Variants in PRDM2 observed in about 807,000 individuals in gnomAD.
PRDM2 encodes the protein PR domain zinc finger protein 2.
PRDM2 carries 30 observed loss-of-function variants against 130.0 expected under a neutral mutation model. The ratio of observed to expected loss-of-function variants is 0.23; its 90% CI spans 0.17 to 0.31. The LOEUF is 0.31. PRDM2 is among the 10% of genes least tolerant of loss of function. The pLI is 1.00. For missense variants in PRDM2, 2,011 were observed against 2,108.4 expected, an observed-to-expected ratio of 0.95 and a Z score of 0.90; for synonymous variants, 871 against 782.4, an observed-to-expected ratio of 1.11 and a Z score of -1.89.
At chr1:13,755,502 A>T (rs1459806261) in intron 6 of PRDM2, among the ~76,000 whole-genome samples, 1 of 152,214 alleles carries the variant, frequency 6.6e-6, no homozygotes, top group Admixed American at 6.5e-5. Flanking sequence ...TATATAAAAG[A>T]GGTAACAAGA....
intron 6 of PRDM2, among the ~76,000 whole-genome samples, chr1:13,756,704 A>T (rs1643963095): frequency 6.6e-6 from 1 of 152,248 alleles, no homozygotes; most frequent in South Asian, 2.1e-4. Context: ...TGATGTGGAC[A>T]TATGTCATGA....
At chr1:13,820,264 G>A (rs995285723) in intron 9 of PRDM2, among the ~76,000 whole-genome samples, 1 of 152,158 alleles carries the variant, frequency 6.6e-6, no homozygotes, top group Non-Finnish European at 1.5e-5. Context: ...TGCCCATTCC[G>A]GATTCAAGGC....
At chr1:13,760,778 C>A (rs1226467415) in intron 6 of PRDM2, among the ~76,000 whole-genome samples, 2 of 151,950 alleles carry the variant, frequency 1.3e-5, no homozygotes, top group Non-Finnish European at 2.9e-5. Context: ...ACCTTTGGTT[C>A]ATCCCATTGT....
intron 1 of PRDM2, among the ~76,000 whole-genome samples, chr1:13,700,650 GGTGGGGCCACCTGGGGCCCCAC>G (rs1038272972): frequency 3.2e-4 from 48 of 151,846 alleles, no homozygotes; most frequent in African/African-American, 6.8e-4. Context: ...TGCGGGCGGC[GGTGGGGCCACCTGGGGCCCCAC>G]GTGGGGCCGG....
intron 1 of PRDM2, among the ~76,000 whole-genome samples, chr1:13,700,863 TGTGTGTGTGTGCGCACGCGCGC>T (rs1212973326): frequency 6.6e-5 from 10 of 151,980 alleles, no homozygotes; most frequent in East Asian, 1.9e-4. Flanking sequence ...CACGGGTGTA[TGTGTGTGTGTGCGCACGCGCGC>T]GTGTGTGTGT....
Position 13,803,167 on chromosome 1 carries a change from T to C in PRDM2, c.5037-13260T>C, listed in dbSNP as rs1000573528. ...AACTGTCGTAAAAATGGGGACCTTG[T>C]CCCCTGGTTTGGGCGGGACCTTGGC... On this transcript the variant is annotated intron_variant, in intron 8 of 9. Transcript: ENST00000311066. This position sits in a 1 kb window ranked among gnomAD's most constrained non-coding sequence, Gnocchi z 6.2. Among the ~76,000 whole-genome samples, 3 of 152,200 alleles carry C rather than the reference T, an allele frequency of 2.0e-5. No individual in the cohort carries two copies. The East Asian group carries it at 5.8e-4, about 29-fold the overall frequency.
Position 13,749,429 on chromosome 1 carries a change from G to T in PRDM2, c.453G>T (p.Ala151=). 5 of 1,512,700 alleles carry T rather than the reference G, an allele frequency of 3.3e-6. No individual in the cohort carries two copies. The highest frequency in any genetic ancestry group is 4.5e-6 in the Non-Finnish European group (5 of 1,118,438). 93.7% of individuals were successfully genotyped at this position (1,512,700 alleles called of 1,614,324 possible). ...NGEDNPEIAA[A]IEEERASARS... ...AAGACAACCCTGAGATAGCAGCTGC[G>T]ATTGAGGAAGAGCGAGCCAGCGCCC... The change falls in exon 6 of 10, where the codon GCG becomes GCT. Residue 151 remains alanine (A), a synonymous_variant. Transcript: ENST00000311066.
chr1:13,749,634 G>C (rs1643746681), intron 6 of PRDM2, 147 bp downstream of exon 6: 1 of 343,360 alleles, frequency 2.9e-6, no homozygotes, highest in Non-Finnish European at 4.1e-6. Flanking sequence ...ACCTTTTCCG[G>C]ACTCGGCCCT....
At chr1:13,756,791 AC>A (rs1396070735) in intron 6 of PRDM2, among the ~76,000 whole-genome samples, 1 of 152,182 alleles carries the variant, frequency 6.6e-6, no homozygotes, top group East Asian at 1.9e-4. Context: ...GACAGCAGTT[AC>A]ACTCGTTTCT....
intron 8 of PRDM2, among the ~76,000 whole-genome samples, chr1:13,802,500 C>T (rs1033505389): frequency 6.6e-6 from 1 of 152,184 alleles, no homozygotes; most frequent in African/African-American, 2.4e-5. Flanking sequence ...GGGTCCAGGG[C>T]AGATGCCACA....
chr1:13,786,487 A>G (rs1244953191), intron 8 of PRDM2: 2 of 1,609,368 alleles, frequency 1.2e-6, no homozygotes, highest in Non-Finnish European at 1.7e-6. Flanking sequence ...TTCTGTTGTC[A>G]TTTATCTTCA....
chr1:13,741,897 G>T, intron 4 of PRDM2, 108 bp from the exon 5 acceptor site: 4 of 818,622 alleles, frequency 4.9e-6, no homozygotes, highest in Non-Finnish European at 3.8e-6. Flanking sequence ...GCTTTATATA[G>T]AGTACTTGCA....
intron 8 of PRDM2, among the ~76,000 whole-genome samples, chr1:13,800,803 G>C (rs997596291): frequency 6.6e-6 from 1 of 152,150 alleles, no homozygotes; most frequent in African/African-American, 2.4e-5. Flanking sequence ...GGGTTGGGGG[G>C]GGTCTCCTCT....
intron 8 of PRDM2, among the ~76,000 whole-genome samples, chr1:13,784,958 A>G (rs1372653608): frequency 6.6e-6 from 1 of 152,260 alleles, no homozygotes; most frequent in Non-Finnish European, 1.5e-5. Flanking sequence ...ATGTTCATCA[A>G]GATAGATTTT....
intron 8 of PRDM2, among the ~76,000 whole-genome samples, chr1:13,792,894 A>G (rs941365206): frequency 2.0e-5 from 3 of 152,360 alleles, no homozygotes; most frequent in African/African-American, 4.8e-5. Context: ...GAGAGAGGCA[A>G]CATCACTTGA....
chr1:13,816,348 T>G, intron 8 of PRDM2, 79 bp from the exon 9 acceptor site: 1 of 1,559,974 alleles, frequency 6.4e-7, no homozygotes. Context: ...TGACCAGCAC[T>G]AAGGAAGCCC....
chr1:13,768,727 CATT>C (rs1644291467), intron 6 of PRDM2, among the ~76,000 whole-genome samples: 1 of 152,152 alleles, frequency 6.6e-6, no homozygotes, highest in Non-Finnish European at 1.5e-5. Context: ...AGTCGTGTGT[CATT>C]GGGCAAGTTA....
At position 13,772,597 on chromosome 1, in the gene PRDM2, T is replaced by G. The variant is rs141045413; in HGVS notation, c.512-481T>G. Among the ~76,000 whole-genome samples, 12 of 152,400 alleles carry G rather than the reference T, an allele frequency of 7.9e-5. No individual in the cohort carries two copies. In the East Asian group the frequency reaches 2.3e-3, roughly 29 times the overall value. On this transcript the variant is annotated intron_variant, in intron 6 of 9. Coordinates refer to ENST00000311066, the MANE Select transcript of PRDM2 (RefSeq NM_001393986.1). Reference sequence around the variant, plus strand: ...ATCTTTTGAAATTCCGCAGAATCTCTGCTTCTCTTGTTTTGCTTCCAACAA... The same window carrying G: ...ATCTTTTGAAATTCCGCAGAATCTCGGCTTCTCTTGTTTTGCTTCCAACAA...
Position 13,803,739 on chromosome 1 carries a change from C to A in PRDM2, c.5037-12688C>A, listed in dbSNP as rs1256339473. 6.6e-6 allele frequency among the ~76,000 whole-genome samples: 1 copy of A among 152,218 alleles called. No homozygotes were observed. Among genetic ancestry groups the A allele is most frequent in the Non-Finnish European group, 1.5e-5 (1 of 68,048 alleles). The stretch of plus-strand genomic sequence containing the variant: ...CAGGTTCTCCGGGCCGAGGTCACTG[C>A]AGGCCAGGCCGGGCCAGCCTCCCTA... On this transcript the variant is annotated intron_variant, in intron 8 of 9. Coordinates refer to ENST00000311066, the MANE Select transcript of PRDM2 (RefSeq NM_001393986.1). This position sits in a 1 kb window ranked among gnomAD's most constrained non-coding sequence, Gnocchi z 6.2.
Sources: allele counts gnomAD v4.1 joint callset (sites outside exome capture counted in the v4.1 genomes callset), GRCh38; gene constraint gnomAD v4.1.1; non-coding constraint Gnocchi (gnomAD v3.1); transcripts MANE v1.5; gene names NCBI Gene and HGNC (gene_info 2026-07-23, HGNC 2026-07-21).